The following SLC35F3 variants were observed in gnomAD, a reference collection of about 807,000 sequenced individuals.
SLC35F3 encodes the protein putative thiamine transporter SLC35F3.
Under a neutral mutation model 49.9 loss-of-function variants are expected in SLC35F3, and 25 were observed. That is an observed-to-expected ratio of 0.50 (90% CI 0.37 to 0.70). The LOEUF is 0.70. Among genes scored for constraint, SLC35F3 ranks in the 30% least tolerant of loss-of-function variants. SLC35F3 has a pLI of 0.00. For synonymous variants in SLC35F3, 275 were observed against 265.4 expected (o/e 1.04, Z -0.35); for missense variants, 525 against 639.8 (o/e 0.82, Z 1.94).
At chr1:233,942,232 A>G (rs1662438798) in intron 2 of SLC35F3, among the ~76,000 whole-genome samples, 1 of 151,766 alleles carries the variant, frequency 6.6e-6, no homozygotes, top group Non-Finnish European at 1.5e-5. Context: ...AAGTGCTGGG[A>G]TTACAGGTGT....
rs573596014 is a variant in SLC35F3, at chr1:234,260,773, G to A, written c.608+29032G>A. ...TTCCTGATTAAGCACATGGCACCGG[G>A]AGAAACTCCGCATACATAAGTGCCT... On this transcript the variant is annotated intron_variant, in intron 3 of 7. Coordinates refer to ENST00000366618, the MANE Select transcript of SLC35F3 (RefSeq NM_173508.4). Among the ~76,000 whole-genome samples, 6 of 152,260 alleles carry A rather than the reference G, an allele frequency of 3.9e-5. No individual in the cohort carries two copies. The South Asian group carries it at 1.2e-3, about 32-fold the overall frequency.
intron 2 of SLC35F3, among the ~76,000 whole-genome samples, chr1:233,923,089 C>T (rs1413371730): frequency 6.6e-6 from 1 of 152,106 alleles, no homozygotes; most frequent in Non-Finnish European, 1.5e-5. Context: ...CGTGATGCCT[C>T]CAGGTTTGTT....
intron 2 of SLC35F3, among the ~76,000 whole-genome samples, chr1:234,024,595 T>G (rs535665661): frequency 2.0e-5 from 3 of 152,294 alleles, no homozygotes; most frequent in African/African-American, 7.2e-5. Flanking sequence ...GGTCCCCACG[T>G]GAAGGACACC....
chr1:234,202,673 C>A (rs1666916320), intron 2 of SLC35F3, among the ~76,000 whole-genome samples: 1 of 152,242 alleles, frequency 6.6e-6, no homozygotes, highest in Non-Finnish European at 1.5e-5. Context: ...AAGCAGCTGC[C>A]ATTCCAAGGT....
intron 2 of SLC35F3, among the ~76,000 whole-genome samples, chr1:234,189,455 CAGA>C (rs777491603): frequency 1.6e-4 from 24 of 148,056 alleles, no homozygotes; most frequent in Non-Finnish European, 2.8e-4. Context: ...ATCAAACAAG[CAGA>C]AGAACGAACT....
chr1:234,142,579 CA>C (rs113326939), intron 2 of SLC35F3, among the ~76,000 whole-genome samples: 3,454 of 152,164 alleles, frequency 0.023, 122 homozygotes, highest in African/African-American at 0.079. Context: ...ATTTACTGCC[CA>C]GGGGCATTTG....
chr1:234,284,189 G>C (rs1668374287), intron 3 of SLC35F3, among the ~76,000 whole-genome samples: 1 of 152,200 alleles, frequency 6.6e-6, no homozygotes, highest in African/African-American at 2.4e-5. Context: ...ATAGACATGA[G>C]CTACGGTGCC....
intron 3 of SLC35F3, among the ~76,000 whole-genome samples, chr1:234,294,542 C>G (rs1668561750): frequency 6.6e-6 from 1 of 152,246 alleles, no homozygotes. Flanking sequence ...AGCTTTCCTA[C>G]ATCTAAAGTA....
chr1:233,993,270 A>G (rs1319788639), intron 2 of SLC35F3, among the ~76,000 whole-genome samples: 1 of 152,090 alleles, frequency 6.6e-6, no homozygotes, highest in Admixed American at 6.5e-5. Flanking sequence ...ACTGGACCAA[A>G]CATTTTTACT....
At chr1:234,159,482 C>T (rs773431154) in intron 2 of SLC35F3, among the ~76,000 whole-genome samples, 1 of 151,746 alleles carries the variant, frequency 6.6e-6, no homozygotes, top group Admixed American at 6.6e-5. Context: ...GAGGCTGAGG[C>T]GGGAGAATCA....
intron 2 of SLC35F3, among the ~76,000 whole-genome samples, chr1:234,140,496 G>T (rs116468638): frequency 1.3e-5 from 2 of 152,072 alleles, no homozygotes; most frequent in East Asian, 1.9e-4. Context: ...TGCAGGATTC[G>T]GTACTGGCCA....
intron 2 of SLC35F3, among the ~76,000 whole-genome samples, chr1:233,950,447 T>C (rs1662585371): frequency 7.5e-6 from 1 of 134,014 alleles, no homozygotes; most frequent in Non-Finnish European, 1.6e-5. Context: ...AAGAAATGTT[T>C]CCTTCCTTCT....
intron 2 of SLC35F3, among the ~76,000 whole-genome samples, chr1:234,164,747 C>T (rs1666287868): frequency 7.0e-6 from 1 of 143,268 alleles, no homozygotes; most frequent in Admixed American, 7.8e-5. Context: ...GTAAACATTG[C>T]TGGGACTTTT....
chr1:234,102,012 A>G (rs1409381511), intron 2 of SLC35F3, among the ~76,000 whole-genome samples: 1 of 152,212 alleles, frequency 6.6e-6, no homozygotes, highest in Admixed American at 6.5e-5. Flanking sequence ...CTCACACACC[A>G]GGTACCACTG....
intron 2 of SLC35F3, among the ~76,000 whole-genome samples, chr1:233,982,330 G>A (rs1326844624): frequency 6.6e-6 from 1 of 151,896 alleles, no homozygotes; most frequent in African/African-American, 2.4e-5. Context: ...TTGATTTTTA[G>A]ATTTTTTTAA....
intron 2 of SLC35F3, among the ~76,000 whole-genome samples, chr1:234,205,521 C>T (rs1666956661): frequency 6.7e-6 from 1 of 150,116 alleles, no homozygotes; most frequent in African/African-American, 2.5e-5. Context: ...TACTTGAACT[C>T]CCTCCCACTT....
intron 4 of SLC35F3, among the ~76,000 whole-genome samples, chr1:234,314,295 C>T (rs1657431560): frequency 6.6e-6 from 1 of 152,196 alleles, no homozygotes; most frequent in East Asian, 1.9e-4. Flanking sequence ...CTTAGCTGCA[C>T]AGTGCAGCCC....
At position 234,079,614 on chromosome 1, in the gene SLC35F3, A is replaced by G. The variant is rs538379211; in HGVS notation, c.284-151803A>G. 3.9e-5 allele frequency among the ~76,000 whole-genome samples: 6 copies of G among 152,366 alleles called. No individual in the cohort carries two copies. The South Asian group carries it at 1.2e-3, about 32-fold the overall frequency. On this transcript the variant is annotated intron_variant, in intron 2 of 7. Coordinates refer to ENST00000366618, the MANE Select transcript of SLC35F3 (RefSeq NM_173508.4). ...AAGGATTTAAGTAAGCATTTATCTC[A>G]AGAAGATACACAAATGATCAATAAT...
chr1:234,156,171 A>G (rs891592194), intron 2 of SLC35F3, among the ~76,000 whole-genome samples: 12 of 152,224 alleles, frequency 7.9e-5, no homozygotes, highest in African/African-American at 2.9e-4. Context: ...AAAAATTAAC[A>G]ATGTCAAGAA....
Sources: gnomAD v4.1 joint callset for allele counts (sites outside exome capture counted in the v4.1 genomes callset) on GRCh38, gnomAD v4.1.1 for gene constraint, MANE v1.5 for transcripts, NCBI Gene and HGNC (gene_info 2026-07-23, HGNC 2026-07-21) for gene names.